NEXMIF: variants seen among roughly 807,000 people sequenced by gnomAD.
The protein encoded by NEXMIF is XLMR protein related to neurite extension.
A neutral mutation model predicts 62.1 loss-of-function variants in NEXMIF; 8 were observed. That is an observed-to-expected ratio of 0.13 (90% CI 0.08 to 0.23). NEXMIF has a LOEUF of 0.23. Among genes scored for constraint, NEXMIF ranks in the 10% least tolerant of loss-of-function variants. NEXMIF has a pLI of 1.00. For synonymous variants in NEXMIF, 404 were observed against 416.6 expected (o/e 0.97, Z 0.37); for missense variants, 976 against 1,113.3 (o/e 0.88, Z 1.75).
chrX:74,751,274 T>C (rs1048026280), intron 1 of NEXMIF, among the ~76,000 whole-genome samples: 7 of 110,950 alleles, frequency 6.3e-5, no homozygotes, highest in African/African-American at 2.3e-4. Context: ...AAAAAACTCA[T>C]ATAGAAGAGG....
At position 74,751,269 on chromosome X, in the gene NEXMIF, A is replaced by T. The variant is rs929515491; in HGVS notation, c.-47-5572T>A. ...AAAATTCAAAAGATATGCACAAAAA[A>T]CTCATATAGAAGAGGGGATACTGTA... On this transcript the variant is annotated intron_variant, in intron 1 of 3. Transcript: ENST00000055682. Among the ~76,000 whole-genome samples, 40 of 110,591 alleles carry T rather than the reference A, an allele frequency of 3.6e-4. 1 individual carries two copies. Among genetic ancestry groups the T allele is most frequent in the Non-Finnish European group, 1.1e-4 (6 of 52,858 alleles).
intron 1 of NEXMIF, among the ~76,000 whole-genome samples, chrX:74,780,931 C>G (rs1000699679): frequency 2.7e-5 from 3 of 111,186 alleles, no homozygotes; most frequent in Non-Finnish European, 5.7e-5. Flanking sequence ...TGGGGACTCA[C>G]CTGAACATGA....
intron 1 of NEXMIF, among the ~76,000 whole-genome samples, chrX:74,892,775 A>G (rs2080721892): frequency 8.9e-6 from 1 of 112,071 alleles, no homozygotes; most frequent in Non-Finnish European, 1.9e-5. Flanking sequence ...CCATCTCCCT[A>G]AGATCCCAAG....
chrX:74,821,184 T>C (rs916918418), intron 1 of NEXMIF, among the ~76,000 whole-genome samples: 8 of 111,433 alleles, frequency 7.2e-5, no homozygotes, highest in African/African-American at 2.0e-4. Context: ...TCTCTTCTTA[T>C]ACCTCTCCCA....
intron 1 of NEXMIF, chrX:74,769,842 T>C (rs375850900): frequency 4.1e-5 from 16 of 388,795 alleles, no homozygotes; most frequent in African/African-American, 2.1e-4. Flanking sequence ...AATGTGGTCC[T>C]GATCAAGATA....
chrX:74,818,757 T>C (rs1455732183), intron 1 of NEXMIF, among the ~76,000 whole-genome samples: 2 of 111,334 alleles, frequency 1.8e-5, no homozygotes, highest in Non-Finnish European at 3.8e-5. Flanking sequence ...CTTAAATCAA[T>C]GAGCAAAAAA....
At chrX:74,813,372 A>G (rs2080366340) in intron 1 of NEXMIF, among the ~76,000 whole-genome samples, 1 of 112,162 alleles carries the variant, frequency 8.9e-6, no homozygotes, top group Non-Finnish European at 1.9e-5. Flanking sequence ...AACATGCTAT[A>G]AAAAAGGGTA....
chrX:74,787,104 CAA>C (rs766388500), intron 1 of NEXMIF, among the ~76,000 whole-genome samples: 31 of 31,747 alleles, frequency 9.8e-4, no homozygotes, highest in African/African-American at 3.2e-3. Context: ...ACCAAAAATA[CAA>C]AAAAAAAAAA....
chrX:74,891,404 G>T (rs751130277), intron 1 of NEXMIF, among the ~76,000 whole-genome samples: 1 of 110,134 alleles, frequency 9.1e-6, no homozygotes, highest in East Asian at 2.9e-4. Flanking sequence ...AAACTAAAAT[G>T]CTTAAGAGGT....
At chrX:74,837,834 A>G (rs1262942983) in intron 1 of NEXMIF, among the ~76,000 whole-genome samples, 1 of 111,941 alleles carries the variant, frequency 8.9e-6, no homozygotes, top group African/African-American at 3.3e-5. Flanking sequence ...CTTATAAGAA[A>G]GAATAAATCA....
At chrX:74,767,068 C>T (rs958085364) in intron 1 of NEXMIF, among the ~76,000 whole-genome samples, 10 of 112,244 alleles carry the variant, frequency 8.9e-5, no homozygotes, top group East Asian at 2.8e-4. Flanking sequence ...CTGGAGACAG[C>T]GAGAGTGAGG....
At chrX:74,747,642 C>CTTT (rs57925416) in intron 1 of NEXMIF, among the ~76,000 whole-genome samples, 2 of 99,355 alleles carry the variant, frequency 2.0e-5, no homozygotes. Context: ...ATTATCCAAA[C>CTTT]TTTTTTTTTT....
intron 1 of NEXMIF, among the ~76,000 whole-genome samples, chrX:74,837,476 A>G (rs1221162433): frequency 3.6e-5 from 4 of 112,035 alleles, no homozygotes; most frequent in African/African-American, 1.3e-4. Flanking sequence ...CAATAAGTAA[A>G]TATTACCTCC....
At chrX:74,877,316 G>A (rs1398814246) in intron 1 of NEXMIF, among the ~76,000 whole-genome samples, 2 of 111,396 alleles carry the variant, frequency 1.8e-5, no homozygotes, top group African/African-American at 6.5e-5. Flanking sequence ...GTTGAATATT[G>A]GCCCCCACTC....
intron 1 of NEXMIF, among the ~76,000 whole-genome samples, chrX:74,808,816 T>C (rs2080352424): frequency 8.9e-6 from 1 of 112,128 alleles, no homozygotes; most frequent in Admixed American, 9.5e-5. Context: ...GATGATCCCT[T>C]CAACTTAAAA....
chrX:74,850,816 CA>C (rs1261812185), intron 1 of NEXMIF, among the ~76,000 whole-genome samples: 1 of 109,961 alleles, frequency 9.1e-6, no homozygotes, highest in Non-Finnish European at 1.9e-5. Flanking sequence ...CATGAAAAAG[CA>C]AGGAAATATG....
chrX:74,776,058 A>G (rs1185441398), intron 1 of NEXMIF, among the ~76,000 whole-genome samples: 1 of 111,830 alleles, frequency 8.9e-6, no homozygotes, highest in African/African-American at 3.2e-5. Flanking sequence ...TGGAAAAGGC[A>G]TCATGGCCTT....
At position 74,732,970 on chromosome X, in the gene NEXMIF, T is replaced by C. The variant is rs1417063183; in HGVS notation, c.*6435A>G. 1 of 112,034 alleles carries C rather than the reference T, an allele frequency of 8.9e-6. No homozygotes were observed. Among genetic ancestry groups the C allele is most frequent in the African/African-American group, 3.2e-5 (1 of 30,850 alleles). 9.2% of individuals were successfully genotyped at this position (112,034 alleles called of 1,213,427 possible). A position where few individuals can be genotyped will look rare whatever the true frequency, so the allele number is the denominator to read the frequency against. Reference sequence around the variant, plus strand: ...AACAAAGACACAATTTGTTTTAAGGTCTTTGAAGACTGGACACACTAGAAG... The same window carrying C: ...AACAAAGACACAATTTGTTTTAAGGCCTTTGAAGACTGGACACACTAGAAG... On this transcript the variant is annotated 3_prime_UTR_variant, in exon 4 of 4. Transcript: ENST00000055682.
chrX:74,853,918 T>A (rs1021668634), intron 1 of NEXMIF, among the ~76,000 whole-genome samples: 1 of 111,583 alleles, frequency 9.0e-6, no homozygotes, highest in Non-Finnish European at 1.9e-5. Context: ...TAATAACGAA[T>A]AATGAGATTT....
Sources: gnomAD v4.1 joint callset for allele counts (sites outside exome capture counted in the v4.1 genomes callset) on GRCh38, gnomAD v4.1.1 for gene constraint, MANE v1.5 for transcripts, NCBI Gene and HGNC (gene_info 2026-07-23, HGNC 2026-07-21) for gene names.